The following CA5A variants were observed in gnomAD, a reference collection of about 807,000 sequenced individuals.
CA5A encodes the protein carbonic anhydrase 5A, also known as carbonic anhydrase 5A, mitochondrial.
CA5A carries 28 observed loss-of-function variants against 37.1 expected under a neutral mutation model. That is an observed-to-expected ratio of 0.75 (90% CI 0.56 to 1.03). The LOEUF is 1.03. CA5A is among the 50% of genes least tolerant of loss of function. The pLI is 0.00. For missense variants in CA5A, 444 were observed against 399.9 expected (o/e 1.11, Z -0.94); for synonymous variants, 171 against 158.4 (o/e 1.08, Z -0.60).
intron 2 of CA5A, among the ~76,000 whole-genome samples, chr16:87,918,116 GC>G (rs1419063848): frequency 6.6e-6 from 1 of 152,224 alleles, no homozygotes; most frequent in Admixed American, 6.5e-5. Context: ...GATGCGGACA[GC>G]CTGGCAGGCA....
chr16:87,887,203 T>A (rs2055655663), downstream of CA5A: 1 of 151,710 alleles, frequency 6.6e-6, no homozygotes, highest in Non-Finnish European at 1.5e-5. Flanking sequence ...GCACCTGGCC[T>A]ACTACAGCTT....
chr16:87,928,817 G>T (rs1456818421), intron 1 of CA5A, among the ~76,000 whole-genome samples: 1 of 124,492 alleles, frequency 8.0e-6, no homozygotes, highest in African/African-American at 3.1e-5. Context: ...CGCCCAGGCT[G>T]CAGTGCAGTG....
intron 1 of CA5A, among the ~76,000 whole-genome samples, chr16:87,931,435 T>A (rs1415990016): frequency 2.0e-5 from 3 of 152,208 alleles, no homozygotes; most frequent in African/African-American, 7.2e-5. Context: ...TTTTAAGTTT[T>A]ACACATTGTG....
At chr16:87,897,167 C>T (rs1453900252) in intron 5 of CA5A, among the ~76,000 whole-genome samples, 1 of 152,260 alleles carries the variant, frequency 6.6e-6, no homozygotes. Context: ...CCACAGGGCA[C>T]AGAGCCGTTC....
chr16:87,920,117 G>C lies in CA5A; in HGVS notation c.340+6631C>G, dbSNP rs577474124. On this transcript the variant is annotated intron_variant, in intron 2 of 6. Transcript: ENST00000649794. ...GGCTGAGTCACGAAGCATGGACGAGGCTGAGCTGCAGTCTGCACAGGTGGA... is the reference window on the plus strand; with the variant it reads ...GGCTGAGTCACGAAGCATGGACGAGCCTGAGCTGCAGTCTGCACAGGTGGA... Among the ~76,000 whole-genome samples the C allele has an allele frequency of 3.3e-5, 5 of 152,276 alleles. No individual in the cohort carries two copies. In the South Asian group the frequency reaches 1.0e-3, roughly 32 times the overall value.
At chr16:87,905,409 G>T (rs1401632117) in intron 2 of CA5A, among the ~76,000 whole-genome samples, 1 of 152,140 alleles carries the variant, frequency 6.6e-6, no homozygotes, top group South Asian at 2.1e-4. Context: ...GCCCAGGCTG[G>T]AGTACAATGG....
At chr16:87,919,234 T>C (rs2056197034) in intron 2 of CA5A, among the ~76,000 whole-genome samples, 2 of 152,158 alleles carry the variant, frequency 1.3e-5, no homozygotes, top group Non-Finnish European at 2.9e-5. Flanking sequence ...CGAGGTCAGC[T>C]CGGGGTCCAT....
intron 2 of CA5A, among the ~76,000 whole-genome samples, chr16:87,921,554 A>G (rs2056229572): frequency 6.6e-6 from 1 of 152,202 alleles, no homozygotes; most frequent in African/African-American, 2.4e-5. Context: ...GCCTGTACCA[A>G]TTGCTGCAGC....
chr16:87,887,092 G>C (rs1325348931), downstream of CA5A: 1 of 151,924 alleles, frequency 6.6e-6, no homozygotes, highest in South Asian at 2.1e-4. Flanking sequence ...TAGCAGAGAC[G>C]GGGTTTCGCC....
intron 5 of CA5A, chr16:87,893,674 G>A: frequency 1.8e-6 from 1 of 567,276 alleles, no homozygotes; most frequent in Non-Finnish European, 3.3e-6. Context: ...GCTCGGGCTG[G>A]GTCAGCAACC....
intron 1 of CA5A, among the ~76,000 whole-genome samples, chr16:87,931,269 G>A (rs1269335738): frequency 1.3e-5 from 2 of 151,492 alleles, no homozygotes; most frequent in Non-Finnish European, 1.5e-5. Flanking sequence ...CTACCACCAC[G>A]CCCGGCTACT....
intron 1 of CA5A, among the ~76,000 whole-genome samples, chr16:87,928,751 C>CTTT (rs1567537787): frequency 5.6e-5 from 6 of 107,270 alleles, no homozygotes; most frequent in African/African-American, 1.8e-4. Context: ...GGATTATTTT[C>CTTT]TTTTCTTTGT....
intron 5 of CA5A, among the ~76,000 whole-genome samples, chr16:87,899,883 G>GCACTCCA (rs2055853157): frequency 8.1e-6 from 1 of 123,698 alleles, no homozygotes; most frequent in African/African-American, 3.0e-5. Flanking sequence ...TCGCACCATT[G>GCACTCCA]CACTCCAGCC....
chr16:87,919,642 A>G (rs2056203536), intron 2 of CA5A, among the ~76,000 whole-genome samples: 1 of 152,148 alleles, frequency 6.6e-6, no homozygotes, highest in African/African-American at 2.4e-5. Context: ...ACTCTTTAGG[A>G]TCGGAGCCGG....
chr16:87,894,060 G>C (rs907419266), intron 5 of CA5A, among the ~76,000 whole-genome samples: 6 of 152,228 alleles, frequency 3.9e-5, no homozygotes, highest in Non-Finnish European at 5.9e-5. Context: ...TGCCCAGCCA[G>C]CTCTTTTGGA....
downstream of CA5A, chr16:87,887,618 T>C (rs2055659033): frequency 6.5e-6 from 1 of 153,234 alleles, no homozygotes; most frequent in South Asian, 2.0e-4. Flanking sequence ...TTTCACCGTG[T>C]TGGCCAGGAT....
At chr16:87,905,294 C>A (rs1234875544) in intron 2 of CA5A, among the ~76,000 whole-genome samples, 1 of 152,180 alleles carries the variant, frequency 6.6e-6, no homozygotes, top group East Asian at 1.9e-4. Flanking sequence ...TTTTTAAAAG[C>A]AGCTTAAATC....
rs576863335 is a variant in CA5A, at chr16:87,900,351, G to A, written c.618+1561C>T. Among the ~76,000 whole-genome samples, 6 of 152,320 alleles carry A rather than the reference G, an allele frequency of 3.9e-5. No individual in the cohort carries two copies. In the South Asian group the frequency reaches 1.2e-3, roughly 32 times the overall value. ...GAGCAGGCAGATGGGGCGGCAGGGGGTGATCTGGTCCCAGTCCCAGGAGGC... is the reference window on the plus strand; with the variant it reads ...GAGCAGGCAGATGGGGCGGCAGGGGATGATCTGGTCCCAGTCCCAGGAGGC... On this transcript the variant is annotated intron_variant, in intron 5 of 6. Coordinates refer to ENST00000649794, the MANE Select transcript of CA5A (RefSeq NM_001739.2).
rs537630501 is a variant in CA5A at position 87,901,324 on chromosome 16, G to A, written c.618+588C>T. On this transcript the variant is annotated intron_variant, in intron 5 of 6. Coordinates refer to ENST00000649794, the MANE Select transcript of CA5A (RefSeq NM_001739.2). Reference sequence around the variant, plus strand: ...ACGTCTTCAGGATCTCGCCTGCATGGCTGAATTTTGGGAACTTCTGTTGAG... The same window carrying A: ...ACGTCTTCAGGATCTCGCCTGCATGACTGAATTTTGGGAACTTCTGTTGAG... Among the ~76,000 whole-genome samples, 5 of 152,342 alleles carry A rather than the reference G, an allele frequency of 3.3e-5. No homozygotes were observed. In the East Asian group the frequency reaches 9.6e-4, roughly 29 times the overall value.
Sources: gnomAD v4.1 joint callset for allele counts (sites outside exome capture counted in the v4.1 genomes callset) on GRCh38, gnomAD v4.1.1 for gene constraint, MANE v1.5 for transcripts, NCBI Gene and HGNC (gene_info 2026-07-23, HGNC 2026-07-21) for gene names.